RAD54B: variants seen among roughly 807,000 people sequenced by gnomAD.
RAD54B encodes RAD54 homolog B.
In RAD54B, 78 loss-of-function variants were observed where a neutral mutation model predicts 95.8. The ratio of observed to expected loss-of-function variants is 0.81; its 90% CI spans 0.68 to 0.98. The LOEUF is 0.98. Ranked by LOEUF, RAD54B falls within the 50% of genes least tolerant of loss-of-function variation. The pLI is 0.00. For synonymous variants in RAD54B, 328 were observed against 354.9 expected, an observed-to-expected ratio of 0.92 and a Z score of 0.85; for missense variants, 957 against 1,056.6, an observed-to-expected ratio of 0.91 and a Z score of 1.31.
chr8:94,425,061 C>CAAA (rs71273335), intron 3 of RAD54B, among the ~76,000 whole-genome samples: 6 of 82,370 alleles, frequency 7.3e-5, no homozygotes, highest in East Asian at 3.1e-4. Flanking sequence ...GACCCCATCT[C>CAAA]AAAAAAAAAA....
At chr8:94,405,249 T>C (rs1380148699) in intron 5 of RAD54B, among the ~76,000 whole-genome samples, 1 of 152,164 alleles carries the variant, frequency 6.6e-6, no homozygotes, top group Non-Finnish European at 1.5e-5. Flanking sequence ...AGAAGGCAGG[T>C]CTCAATTGAT....
Position 94,399,416 on chromosome 8 carries a change from G to A in RAD54B, c.1376C>T (p.Thr459Ile), listed in dbSNP as rs576696900. The A allele has an allele frequency of 1.6e-5, 25 of 1,612,326 alleles. No individual in the cohort carries two copies. In the South Asian group the frequency reaches 2.5e-4, roughly 16 times the overall value. Residue 459 changes from threonine to isoleucine, a missense_variant and splice_region_variant, in exon 8 of 15, where the codon ACT becomes ATT. Physicochemically the swap from Thr to Ile is moderately conservative, Grantham distance 89. Coordinates refer to ENST00000336148, the MANE Select transcript of RAD54B (RefSeq NM_012415.3). The part of the protein sequence containing the change: ...SLSCEKRIIL[T>I]GTPIQNDLQE... ...TCTTCCCCAAACTGAATACTGACCA[G>A]TTAGAATTATTCTTTTCTCACAAGA...
chr8:94,425,049 G>A (rs1217982845), intron 3 of RAD54B, among the ~76,000 whole-genome samples: 8 of 107,514 alleles, frequency 7.4e-5, no homozygotes, highest in East Asian at 3.1e-4. Flanking sequence ...GTGACAGAGC[G>A]AGACCCCATC....
chr8:94,468,072 C>A (rs72674819), intron 1 of RAD54B: 37,195 of 152,278 alleles, frequency 0.24, 5,655 homozygotes, highest in East Asian at 0.43. Context: ...AGTTTTTAGA[C>A]AGAGCTTCAC....
intron 3 of RAD54B, among the ~76,000 whole-genome samples, chr8:94,425,297 C>A (rs1246698472): frequency 2.0e-5 from 3 of 148,754 alleles, no homozygotes; most frequent in Middle Eastern, 3.5e-3. Flanking sequence ...TCAAGCAATC[C>A]TCCTGCCTCA....
chr8:94,377,328 G>T (rs555050669), intron 14 of RAD54B, among the ~76,000 whole-genome samples: 1 of 151,786 alleles, frequency 6.6e-6, no homozygotes, highest in Admixed American at 6.6e-5. Flanking sequence ...TGGAGCCCAG[G>T]AGTTCGAGAC....
chr8:94,419,747 CAAAAAAAAAA>C (rs36042247), intron 3 of RAD54B, among the ~76,000 whole-genome samples: 2 of 70,320 alleles, frequency 2.8e-5, no homozygotes, highest in Non-Finnish European at 5.4e-5. Context: ...TGGCCCCCAC[CAAAAAAAAAA>C]AAAAAAAAAA....
In RAD54B at chr8:94,422,606, AAAAAAAAAAAAATATATATATATATATAT is replaced by A. The variant is rs1489201933; in HGVS notation, c.305-11320_305-11292del. ...TCGTCTCAAAAAAAAAAAAAAAAAA[AAAAAAAAAAAAATATATATATATATATAT>A]ATATATATATATATATATAAAATTA... On this transcript the variant is annotated intron_variant, in intron 3 of 14. Coordinates refer to ENST00000336148, the MANE Select transcript of RAD54B (RefSeq NM_012415.3). Among the ~76,000 whole-genome samples the A allele has an allele frequency of 4.0e-3, 399 of 100,976 alleles. 8 individuals carry two copies. Among genetic ancestry groups the A allele is most frequent in the African/African-American group, 0.019 (387 of 19,946 alleles). 66.2% of individuals were successfully genotyped at this position (100,976 alleles called of 152,430 possible).
At chr8:94,431,587 C>A in intron 3 of RAD54B, 1 of 919,856 alleles carries the variant, frequency 1.1e-6, no homozygotes, top group Non-Finnish European at 1.3e-6. Flanking sequence ...ATTGAGTTCT[C>A]CCTGGACCTG....
intron 3 of RAD54B, among the ~76,000 whole-genome samples, chr8:94,449,501 C>T (rs1812603964): frequency 6.6e-6 from 1 of 151,146 alleles, no homozygotes; most frequent in South Asian, 2.1e-4. Flanking sequence ...CCCAGCTACT[C>T]AGGAGCCTGA....
intron 8 of RAD54B, 101 bp from the exon 9 acceptor site, chr8:94,393,983 C>T: frequency 9.0e-7 from 1 of 1,112,710 alleles, no homozygotes; most frequent in Non-Finnish European, 1.3e-6. Context: ...GAAATTTATT[C>T]CCTAAAAGGA....
At chr8:94,428,585 T>C (rs760570291) in intron 3 of RAD54B, 7 of 390,682 alleles carry the variant, frequency 1.8e-5, no homozygotes, top group African/African-American at 1.5e-4. Flanking sequence ...AACTGGGGAT[T>C]AGCCCAACTC....
At chr8:94,419,747 CAAAAAA>C (rs36042247) in intron 3 of RAD54B, among the ~76,000 whole-genome samples, 1 of 70,318 alleles carries the variant, frequency 1.4e-5, no homozygotes, top group Non-Finnish European at 2.7e-5. Flanking sequence ...TGGCCCCCAC[CAAAAAA>C]AAAAAAAAAA....
At chr8:94,373,133 G>A in intron 14 of RAD54B, 1 of 152,168 alleles carries the variant, frequency 6.6e-6, no homozygotes, top group Non-Finnish European at 1.5e-5. Flanking sequence ...AGCATTCCAT[G>A]ATAAGCACAT....
At chr8:94,419,858 A>C (rs2960122) in intron 3 of RAD54B, among the ~76,000 whole-genome samples, 53,982 of 151,554 alleles carry the variant, frequency 0.36, 9,832 homozygotes, top group Admixed American at 0.47. Context: ...TTTAGTATAC[A>C]GTCATGTACC....
intron 2 of RAD54B, among the ~76,000 whole-genome samples, chr8:94,463,373 A>G (rs947417565): frequency 1.2e-4 from 18 of 152,008 alleles, no homozygotes; most frequent in Non-Finnish European, 4.4e-5. Context: ...AAGCAAAACC[A>G]CAATGAGGTA....
chr8:94,384,382 G>T (rs982256738), intron 11 of RAD54B, among the ~76,000 whole-genome samples: 1 of 152,170 alleles, frequency 6.6e-6, no homozygotes, highest in African/African-American at 2.4e-5. Context: ...TATGTTAAGT[G>T]AAATTGGTCA....
intron 8 of RAD54B, among the ~76,000 whole-genome samples, chr8:94,395,948 T>C (rs946263049): frequency 6.6e-6 from 1 of 152,076 alleles, no homozygotes; most frequent in African/African-American, 2.4e-5. Flanking sequence ...CTGATTCAGA[T>C]CATCTGTTAC....
chr8:94,422,607 AAAAAAAAAAAATATATATATATATATAT>A (rs1811837305), intron 3 of RAD54B, among the ~76,000 whole-genome samples: 1 of 98,336 alleles, frequency 1.0e-5, no homozygotes, highest in African/African-American at 5.5e-5. Context: ...AAAAAAAAAA[AAAAAAAAAAAATATATATATATATATAT>A]ATATATATAT....
Sources: allele counts gnomAD v4.1 joint callset (sites outside exome capture counted in the v4.1 genomes callset), GRCh38; gene constraint gnomAD v4.1.1; transcripts MANE v1.5; gene names NCBI Gene and HGNC (gene_info 2026-07-23, HGNC 2026-07-21).